EXOC7: variants seen among roughly 807,000 people sequenced by gnomAD.
The protein encoded by EXOC7 is exocyst complex component 7.
A neutral mutation model predicts 87.6 loss-of-function variants in EXOC7; 51 were observed. That is an observed-to-expected ratio of 0.58 (90% CI 0.46 to 0.73). The LOEUF (loss-of-function observed/expected upper bound fraction) is 0.73. Among genes scored for constraint, EXOC7 ranks in the 30% least tolerant of loss-of-function variants. EXOC7 has a pLI of 0.00. For synonymous variants in EXOC7, 327 were observed against 357.1 expected (o/e 0.92, Z 0.95); for missense variants, 744 against 888.4 (o/e 0.84, Z 2.07).
In EXOC7 at chr17:76,084,556, G is replaced by C. The variant is rs377209076; in HGVS notation, c.1737C>G (p.Ile579Met). The change falls in exon 16 of 19, where the codon ATC becomes ATG. Residue 579 changes from isoleucine to methionine, a missense_variant. This residue lies in a region of EXOC7 where 228 missense variants were observed against 298.6 expected (regional missense o/e 0.76). Coordinates refer to ENST00000589210, the MANE Select transcript of EXOC7 (RefSeq NM_001013839.4). ...GGAACACAGGTAGATTCTTCTCTGC[G>C]ATGTAATCAGTCACCTTTAACCAGC... is the stretch of plus-strand genomic sequence containing the variant. Reference protein sequence around the residue: ...QRSWLKVTDYIAEKNLPVFQP... With the variant: ...QRSWLKVTDYMAEKNLPVFQP... 6.9e-5 allele frequency: 111 copies of C among 1,613,906 alleles called. No homozygotes were observed. The highest frequency in any genetic ancestry group is 4.9e-4 in the Middle Eastern group (3 of 6,062).
Position 76,085,299 on chromosome 17 carries a change from G to A in EXOC7, c.1712+15C>T, listed in dbSNP as rs1349056141. On this transcript the variant is annotated intron_variant, in intron 15 of 18. Transcript: ENST00000589210. ...CAGGGGCCCATGCAGGAGCAGGGCGGGCCCAGCCTCTCACCTGCGCTGGTA... is the reference window on the plus strand; with the variant it reads ...CAGGGGCCCATGCAGGAGCAGGGCGAGCCCAGCCTCTCACCTGCGCTGGTA... 1 of 1,581,420 alleles carries A rather than the reference G, an allele frequency of 6.3e-7. No homozygotes were observed. The highest frequency in any genetic ancestry group is 1.8e-5 in the Admixed American group (1 of 55,544).
chr17:76,087,854 A>T, intron 11 of EXOC7, 134 bp from the exon 12 acceptor site: 1 of 1,044,996 alleles, frequency 9.6e-7, no homozygotes, highest in Admixed American at 2.2e-5. Context: ...TGGAAACTTC[A>T]TTTTCACTCT....
In EXOC7 at chr17:76,083,986, G is replaced by T; in HGVS notation, c.1952+20C>A. On this transcript the variant is annotated intron_variant, in intron 18 of 18. Coordinates refer to ENST00000589210, the MANE Select transcript of EXOC7 (RefSeq NM_001013839.4). ...TGGGGCTGTGGGCAGCACAGGCTGG[G>T]AGGGGAATGGAGGCCTCACTTCTGT... 1 of 1,540,282 alleles carries T rather than the reference G, an allele frequency of 6.5e-7. No homozygotes were observed. The highest frequency in any genetic ancestry group is 2.3e-5 in the East Asian group (1 of 43,536).
At chr17:76,089,427 G>A in intron 7 of EXOC7, 107 bp from the exon 8 acceptor site, 1 of 1,405,512 alleles carries the variant, frequency 7.1e-7, no homozygotes, top group East Asian at 2.4e-5. Flanking sequence ...CACTGGCAGA[G>A]GATGGGGAAG....
In EXOC7 at chr17:76,082,778, A is replaced by G; in HGVS notation, c.*870T>C. 5.3e-6 allele frequency: 5 copies of G among 940,284 alleles called. No homozygotes were observed. Among genetic ancestry groups the G allele is most frequent in the Non-Finnish European group, 7.5e-6 (5 of 663,464 alleles). 58.2% of individuals were successfully genotyped at this position (940,284 alleles called of 1,614,324 possible). ...TCCCTCCGCTAGCACACAAGCACAG[A>G]GCGTGAAATAAACCCATCTCCAGTG... On this transcript the variant is annotated 3_prime_UTR_variant, in exon 19 of 19. Coordinates refer to ENST00000589210, the MANE Select transcript of EXOC7 (RefSeq NM_001013839.4).
intron 7 of EXOC7, 53 bp downstream of exon 7, chr17:76,091,090 C>T (rs927342091): frequency 1.5e-5 from 23 of 1,515,048 alleles, no homozygotes; most frequent in South Asian, 9.0e-5. Context: ...CTGCCAAGTG[C>T]GTGGACACAC....
chr17:76,103,341 C>T lies in EXOC7; in HGVS notation c.126+20G>A. 4 of 1,578,616 alleles carry T rather than the reference C, an allele frequency of 2.5e-6. No individual in the cohort carries two copies. Among genetic ancestry groups the T allele is most frequent in the South Asian group, 2.3e-5 (2 of 86,462 alleles). ...AGGGTCCGGAGGCCTGCCCTCTCCC[C>T]CAGCTGCGGGGAGACTCACCATGTT... On this transcript the variant is annotated intron_variant, in intron 2 of 18. Coordinates refer to ENST00000589210, the MANE Select transcript of EXOC7 (RefSeq NM_001013839.4).
At chr17:76,086,317 C>A (rs936189696) in intron 12 of EXOC7, among the ~76,000 whole-genome samples, 172 bp from the exon 13 acceptor site, 18 of 152,242 alleles carry the variant, frequency 1.2e-4, no homozygotes, top group South Asian at 4.1e-4. Flanking sequence ...GAAGCACCAG[C>A]CCTGGAGTTT....
At chr17:76,102,930 T>C (rs1042701269) in intron 2 of EXOC7, among the ~76,000 whole-genome samples, 2 of 152,228 alleles carry the variant, frequency 1.3e-5, no homozygotes, top group African/African-American at 4.8e-5. Flanking sequence ...ATCCCAGATC[T>C]GCCTGACTTT....
Position 76,082,513 on chromosome 17 carries a change from G to C in EXOC7, c.*1135C>G. ...ACAGAGAAGCTGGCCTGAGACTGCT[G>C]ACCGCATCTTCTTCCTCGTGTATGT... On this transcript the variant is annotated 3_prime_UTR_variant, in exon 19 of 19. Coordinates refer to ENST00000589210, the MANE Select transcript of EXOC7 (RefSeq NM_001013839.4). The C allele has an allele frequency of 1.2e-6, 2 of 1,613,778 alleles. No homozygotes were observed. The highest frequency in any genetic ancestry group is 1.7e-6 in the Non-Finnish European group (2 of 1,179,910).
rs2067306811 is a variant in EXOC7, at chr17:76,088,348, A to G, written c.1299+116T>C. 14 of 1,110,230 alleles carry G rather than the reference A, an allele frequency of 1.3e-5. No individual in the cohort carries two copies. In the East Asian group the frequency reaches 2.8e-4, roughly 22 times the overall value. 68.8% of individuals were successfully genotyped at this position (1,110,230 alleles called of 1,614,324 possible). A position where few individuals can be genotyped will look rare whatever the true frequency, so the allele number is the denominator to read the frequency against. ...ATGGGTGCTGACAGGCCAGTGGCGC[A>G]GCTGGCTGCCCCGGGACAACGCACC... On this transcript the variant is annotated intron_variant, in intron 10 of 18. Transcript: ENST00000589210.
At chr17:76,098,044 G>A (rs778384399) in intron 4 of EXOC7, 26 bp from the exon 5 acceptor site, 1 of 1,599,500 alleles carries the variant, frequency 6.3e-7, no homozygotes, top group South Asian at 1.1e-5. Context: ...AAGGAAGCAG[G>A]TGCCTGCTGC....
At chr17:76,103,601 C>G (rs1272014668) in intron 1 of EXOC7, 32 bp downstream of exon 1, 2 of 1,609,042 alleles carry the variant, frequency 1.2e-6, no homozygotes, top group Middle Eastern at 1.7e-4. Context: ...TTTCCCTCAC[C>G]TCCTCCCCAG....
At position 76,103,441 on chromosome 17, in the gene EXOC7, G is replaced by A; in HGVS notation, c.61-15C>T. On this transcript the variant is annotated splice_polypyrimidine_tract_variant and intron_variant, in intron 1 of 18. Transcript: ENST00000589210. ...GTCTCCTCCTCCTGGGGGCAGGCAA[G>A]GGGAGGACATCACCAGAAACCAGAA... is the stretch of plus-strand genomic sequence containing the variant. 2.5e-6 allele frequency: 4 copies of A among 1,592,506 alleles called. No homozygotes were observed. In the South Asian group the frequency reaches 4.6e-5, roughly 18 times the overall value.
chr17:76,088,698 G>A (rs1567966685), intron 9 of EXOC7, 73 bp downstream of exon 9: 1 of 1,604,212 alleles, frequency 6.2e-7, no homozygotes, highest in Non-Finnish European at 8.5e-7. Context: ...TTCTCCCAGG[G>A]AGGGATGGGG....
At chr17:76,096,146 T>A (rs1044677610) in intron 5 of EXOC7, among the ~76,000 whole-genome samples, 3 of 152,114 alleles carry the variant, frequency 2.0e-5, no homozygotes, top group African/African-American at 7.2e-5. Flanking sequence ...GCCACACAGT[T>A]CTGGGGCAAG....
intron 15 of EXOC7, 90 bp from the exon 16 acceptor site, chr17:76,084,670 G>C: frequency 3.5e-6 from 4 of 1,142,682 alleles, no homozygotes; most frequent in Middle Eastern, 2.0e-4. Flanking sequence ...GGATCTACTT[G>C]GTGGGTGGTG....
chr17:76,103,065 C>A (rs1268042921), intron 2 of EXOC7: 11 of 435,848 alleles, frequency 2.5e-5, no homozygotes, highest in Admixed American at 3.8e-5. Flanking sequence ...CAGTACCTAG[C>A]CCAACTGGTC....
At chr17:76,084,399 C>A (rs780736771) in intron 16 of EXOC7, 110 bp from the exon 17 acceptor site, 1 of 1,549,706 alleles carries the variant, frequency 6.5e-7, no homozygotes, top group Admixed American at 1.7e-5. Context: ...GTCCTGATGG[C>A]CACATGCATC....
Sources: gnomAD v4.1 joint callset for allele counts (sites outside exome capture counted in the v4.1 genomes callset) on GRCh38, gnomAD v4.1.1 for gene constraint, gnomAD v4.1.1 regional missense constraint, MANE v1.5 for transcripts, NCBI Gene and HGNC (gene_info 2026-07-23, HGNC 2026-07-21) for gene names.